SLC6A5: variants seen among roughly 807,000 people sequenced by gnomAD.
SLC6A5 encodes the protein sodium- and chloride-dependent glycine transporter 2.
SLC6A5 carries 58 observed loss-of-function variants against 90.5 expected under a neutral mutation model. The ratio of observed to expected loss-of-function variants is 0.64; its 90% confidence interval spans 0.52 to 0.80. SLC6A5 has a LOEUF of 0.80. Among genes scored for constraint, SLC6A5 ranks in the 30% least tolerant of loss-of-function variants. The pLI, the probability that SLC6A5 is intolerant of heterozygous loss-of-function variation, is 0.00. For synonymous variants in SLC6A5, 427 were observed against 401.4 expected (o/e 1.06, Z -0.76); for missense variants, 1,015 against 1,017.6 (o/e 1.00, Z 0.03).
chr11:20,601,230 C>A lies in SLC6A5; in HGVS notation c.105C>A (p.Ser35Arg), dbSNP rs1359298397. 1.9e-6 allele frequency: 3 copies of A among 1,582,472 alleles called. No individual in the cohort carries two copies. The highest frequency in any genetic ancestry group is 4.5e-5 in the East Asian group (2 of 44,198). Reference protein sequence around the residue: ...HPDGPCAPRTSPEQELPAAAA... With the variant: ...HPDGPCAPRTRPEQELPAAAA... Reference sequence around the variant, plus strand: ...ATGGCCCATGCGCTCCCAGGACGAGCCCGGAGCAGGAGCTTCCCGCGGCTG... The same window carrying A: ...ATGGCCCATGCGCTCCCAGGACGAGACCGGAGCAGGAGCTTCCCGCGGCTG... The change falls in exon 2 of 16, where the codon AGC (serine) becomes AGA (arginine). Residue 35 changes from serine to arginine, a missense_variant. Ser to Arg is a moderately radical substitution (Grantham distance 110, BLOSUM62 -1). Around this residue, in one of 3 missense-constraint regions of SLC6A5, gnomAD observed 567 missense variants for 507.3 expected, o/e 1.12. Coordinates refer to ENST00000525748, the MANE Select transcript of SLC6A5 (RefSeq NM_004211.5).
At chr11:20,607,912 A>C (rs2133775966) in intron 5 of SLC6A5, among the ~76,000 whole-genome samples, 1 of 152,332 alleles carries the variant, frequency 6.6e-6, no homozygotes, top group South Asian at 2.1e-4. Flanking sequence ...GGCCCACAAG[A>C]TAGTCTGATT....
At chr11:20,615,195 T>C (rs1852762291) in intron 6 of SLC6A5, among the ~76,000 whole-genome samples, 1 of 152,018 alleles carries the variant, frequency 6.6e-6, no homozygotes. Context: ...AGCTTTAGTG[T>C]AAATAAGAAC....
At chr11:20,654,428 C>T (rs1853601713) in intron 15 of SLC6A5, among the ~76,000 whole-genome samples, 1 of 152,170 alleles carries the variant, frequency 6.6e-6, no homozygotes, top group Non-Finnish European at 1.5e-5. Flanking sequence ...GCCCTTTATC[C>T]TCTATTAATC....
At chr11:20,605,249 G>A (rs538160953) in intron 3 of SLC6A5, among the ~76,000 whole-genome samples, 1 of 152,276 alleles carries the variant, frequency 6.6e-6, no homozygotes, top group African/African-American at 2.4e-5. Flanking sequence ...CCGGACCGAA[G>A]GGACAAGCAA....
Position 20,601,287 on chromosome 11 carries a change from C to T in SLC6A5, c.162C>T (p.Ser54=), listed in dbSNP as rs745743816. The T allele has an allele frequency of 5.0e-6, 8 of 1,589,012 alleles. No individual in the cohort carries two copies. The African/African-American group carries it at 1.1e-4, about 21-fold the overall frequency. ...CGCCGCCGCCACGTGTGCCCAGGTCCGCTTCCACCGGCGCCCAAACTTTCC... is the reference window on the plus strand; with the variant it reads ...CGCCGCCGCCACGTGTGCCCAGGTCTGCTTCCACCGGCGCCCAAACTTTCC... ...AAPPPPRVPR[S]ASTGAQTFQS... Residue 54 remains serine (S), a synonymous_variant, in exon 2 of 16, where the codon TCC becomes TCT. Coordinates refer to ENST00000525748, the MANE Select transcript of SLC6A5 (RefSeq NM_004211.5).
In SLC6A5 at chr11:20,641,592, C is replaced by T. The variant is rs192523813; in HGVS notation, c.1969+3034C>T. ...CTCTGTGAGCCCCCTCCCTGAGCTCCACTTTCCCTTATGTTTTTATCTGAA... is the reference window on the plus strand; with the variant it reads ...CTCTGTGAGCCCCCTCCCTGAGCTCTACTTTCCCTTATGTTTTTATCTGAA... On this transcript the variant is annotated intron_variant, in intron 13 of 15. Transcript: ENST00000525748. 3.0e-3 allele frequency among the ~76,000 whole-genome samples: 452 copies of T among 152,266 alleles called. 3 individuals are homozygous for T. Among genetic ancestry groups the T allele is most frequent in the African/African-American group, 0.011 (438 of 41,566 alleles).
intron 2 of SLC6A5, among the ~76,000 whole-genome samples, chr11:20,601,977 C>T (rs184705223): frequency 6.6e-6 from 1 of 152,376 alleles, no homozygotes; most frequent in African/African-American, 2.4e-5. Flanking sequence ...TTTATGCAGA[C>T]AGACTCCCTC....
At chr11:20,648,667 G>A (rs1853468461) in intron 14 of SLC6A5, among the ~76,000 whole-genome samples, 1 of 152,152 alleles carries the variant, frequency 6.6e-6, no homozygotes, top group Non-Finnish European at 1.5e-5. Context: ...CTCTTCCCCG[G>A]ATCCTAACAC....
chr11:20,624,302 C>T (rs1467105779), intron 7 of SLC6A5, among the ~76,000 whole-genome samples: 3 of 151,916 alleles, frequency 2.0e-5, no homozygotes, highest in Non-Finnish European at 2.9e-5. Context: ...TACAGGCATG[C>T]ACCACCATGC....
chr11:20,627,971 G>A lies in SLC6A5; in HGVS notation c.1396-9G>A. 6.2e-7 allele frequency: 1 copy of A among 1,609,024 alleles called. No individual in the cohort carries two copies. The highest frequency in any genetic ancestry group is 8.5e-7 in the Non-Finnish European group (1 of 1,175,602). On this transcript the variant is annotated splice_polypyrimidine_tract_variant and intron_variant, in intron 8 of 15. Transcript: ENST00000525748. ...TGGGTCTTGAATCTCTTTCCCTTTT[G>A]CCTCTCAGGTGTGGAAAGATGCTGC...
chr11:20,647,126 C>T (rs997162320), intron 14 of SLC6A5, among the ~76,000 whole-genome samples, 192 bp downstream of exon 14: 1 of 151,136 alleles, frequency 6.6e-6, no homozygotes, highest in African/African-American at 2.4e-5. Flanking sequence ...CCTAAAGGTG[C>T]CTAGCAGGTC....
intron 10 of SLC6A5, among the ~76,000 whole-genome samples, chr11:20,631,642 T>TGATC (rs1853111228): frequency 6.7e-6 from 1 of 149,534 alleles, no homozygotes; most frequent in Non-Finnish European, 1.5e-5. Context: ...GTGTCTGTTG[T>TGATC]TTACCATTAT....
At chr11:20,608,042 C>T (rs1489541295) in intron 5 of SLC6A5, among the ~76,000 whole-genome samples, 1 of 152,186 alleles carries the variant, frequency 6.6e-6, no homozygotes, top group Non-Finnish European at 1.5e-5. Flanking sequence ...AAGCCCCGCC[C>T]TAGCCTTTCT....
intron 13 of SLC6A5, among the ~76,000 whole-genome samples, chr11:20,641,012 A>G (rs975323456): frequency 2.0e-5 from 3 of 152,212 alleles, no homozygotes; most frequent in African/African-American, 7.2e-5. Context: ...TTTATTTATT[A>G]GATTGAAACA....
rs951007138 is a variant in SLC6A5, at chr11:20,659,019, C to T, written c.*4151C>T. On this transcript the variant is annotated 3_prime_UTR_variant, in exon 16 of 16. Coordinates refer to ENST00000525748, the MANE Select transcript of SLC6A5 (RefSeq NM_004211.5). ...TCCTTATATTTTTCCATTAACTATACATGAAGAAAATATATTATGTTACAA... is the reference window on the plus strand; with the variant it reads ...TCCTTATATTTTTCCATTAACTATATATGAAGAAAATATATTATGTTACAA... 6.8e-6 allele frequency: 1 copy of T among 147,720 alleles called. No homozygotes were observed. Among genetic ancestry groups the T allele is most frequent in the African/African-American group, 2.5e-5 (1 of 40,166 alleles). 9.2% of individuals were successfully genotyped at this position (147,720 alleles called of 1,614,324 possible). A position where few individuals can be genotyped will look rare whatever the true frequency, so the allele number is the denominator to read the frequency against.
chr11:20,606,721 A>T (rs1435981855), intron 3 of SLC6A5, among the ~76,000 whole-genome samples: 1 of 152,184 alleles, frequency 6.6e-6, no homozygotes, highest in African/African-American at 2.4e-5. Flanking sequence ...ATAATAAAAA[A>T]AGAAAATAAT....
intron 9 of SLC6A5, 102 bp from the exon 10 acceptor site, chr11:20,630,589 A>C: frequency 1.5e-6 from 2 of 1,345,688 alleles, no homozygotes; most frequent in Non-Finnish European, 2.1e-6. Flanking sequence ...ATGCCTACAC[A>C]TGTGCAGACA....
intron 14 of SLC6A5, among the ~76,000 whole-genome samples, chr11:20,651,080 G>T (rs2133823724): frequency 6.6e-6 from 1 of 152,226 alleles, no homozygotes; most frequent in East Asian, 1.9e-4. Context: ...ACCACTCTGT[G>T]TCTCACTCAG....
intron 7 of SLC6A5, among the ~76,000 whole-genome samples, chr11:20,621,260 T>C (rs904332370): frequency 1.3e-5 from 2 of 152,346 alleles, no homozygotes; most frequent in South Asian, 2.1e-4. Flanking sequence ...GTCTCTGCTG[T>C]CTTGCTGTGT....
Sources: allele counts gnomAD v4.1 joint callset (sites outside exome capture counted in the v4.1 genomes callset), GRCh38; gene constraint gnomAD v4.1.1; regional missense constraint gnomAD v4.1.1; transcripts MANE v1.5; gene names NCBI Gene and HGNC (gene_info 2026-07-23, HGNC 2026-07-21).